PPP3CC: variants seen among roughly 807,000 people sequenced by gnomAD.
PPP3CC encodes the protein protein phosphatase 3 catalytic subunit gamma, also known as serine/threonine-protein phosphatase 2B catalytic subunit gamma isoform.
A neutral mutation model predicts 60.3 loss-of-function variants in PPP3CC; 35 were observed. The ratio of observed to expected loss-of-function variants is 0.58; its 90% confidence interval spans 0.44 to 0.77. The LOEUF (loss-of-function observed/expected upper bound fraction) is 0.77, where lower values mean the gene tolerates loss of function less well. PPP3CC is among the 30% of genes least tolerant of loss of function. The pLI is 0.00. For synonymous variants in PPP3CC, 206 were observed against 224.3 expected, an observed-to-expected ratio of 0.92 and a Z score of 0.73; for missense variants, 570 against 628.9, an observed-to-expected ratio of 0.91 and a Z score of 1.00.
At chr8:22,505,694 A>G (rs1281666843) in intron 4 of PPP3CC, among the ~76,000 whole-genome samples, 1 of 152,214 alleles carries the variant, frequency 6.6e-6, no homozygotes, top group African/African-American at 2.4e-5. Context: ...TCTACATGAC[A>G]TAGGAGCCGC....
chr8:22,461,119 C>T (rs1343699103), intron 1 of PPP3CC, among the ~76,000 whole-genome samples: 1 of 152,204 alleles, frequency 6.6e-6, no homozygotes, highest in Non-Finnish European at 1.5e-5. Context: ...GCTAGGATTA[C>T]AGGCGTGAGC....
chr8:22,475,235 A>G, intron 2 of PPP3CC, 84 bp downstream of exon 2: 1 of 1,307,806 alleles, frequency 7.6e-7, no homozygotes, highest in Non-Finnish European at 1.1e-6. Flanking sequence ...TAACCAGCTA[A>G]AAAGTGGTGT....
intron 3 of PPP3CC, chr8:22,493,172 T>C (rs1255950624): frequency 4.8e-6 from 6 of 1,250,380 alleles, no homozygotes; most frequent in African/African-American, 3.0e-5. Flanking sequence ...TGCTATTTTA[T>C]ATTATGACTG....
At chr8:22,441,723 C>T (rs930965887) in intron 1 of PPP3CC, among the ~76,000 whole-genome samples, 5 of 152,192 alleles carry the variant, frequency 3.3e-5, no homozygotes, top group African/African-American at 1.2e-4. Context: ...TCCCACCGCC[C>T]CGAAGGGCCC....
At chr8:22,451,206 G>T (rs1465346964) in intron 1 of PPP3CC, among the ~76,000 whole-genome samples, 1 of 151,164 alleles carries the variant, frequency 6.6e-6, no homozygotes, top group South Asian at 2.1e-4. Context: ...CGCCATCTTG[G>T]CTCACTGCAA....
rs1839622460 is a variant in PPP3CC at position 22,528,561 on chromosome 8, T to G, written c.1125T>G (p.Ser375=). The change falls in exon 10 of 14, where the codon TCT becomes TCG. Residue 375 remains serine (S), a synonymous_variant. Coordinates refer to ENST00000240139, the MANE Select transcript of PPP3CC (RefSeq NM_005605.5). The part of the protein sequence containing the change: ...LNICSDDELI[S]DDEAEGSTTV... ...TATGCTCTGATGACGAACTGATTTC[T>G]GATGATGAAGCAGAAGGTAAACTTT... is the stretch of plus-strand genomic sequence containing the variant. 5 of 1,554,688 alleles carry G rather than the reference T, an allele frequency of 3.2e-6. No homozygotes were observed. Among genetic ancestry groups the G allele is most frequent in the Non-Finnish European group, 4.4e-6 (5 of 1,145,350 alleles).
intron 4 of PPP3CC, among the ~76,000 whole-genome samples, chr8:22,509,912 G>A (rs375989612): frequency 6.6e-5 from 10 of 152,192 alleles, no homozygotes; most frequent in African/African-American, 2.4e-4. Flanking sequence ...TTGGCCAGGC[G>A]CAGTGGCTCA....
intron 1 of PPP3CC, among the ~76,000 whole-genome samples, chr8:22,467,689 T>A (rs1327769328): frequency 6.6e-6 from 1 of 152,142 alleles, no homozygotes; most frequent in Non-Finnish European, 1.5e-5. Context: ...CGCCTCCCAA[T>A]GTTCTGGGAT....
At position 22,518,214 on chromosome 8, in the gene PPP3CC, G is replaced by T. The variant is rs190044499; in HGVS notation, c.771-4277G>T. ...AGTAGCTGGGACTACAGGATGTACC[G>T]CCATGCCCAGCTAATTGTTTTTAAA... On this transcript the variant is annotated intron_variant, in intron 6 of 13. Coordinates refer to ENST00000240139, the MANE Select transcript of PPP3CC (RefSeq NM_005605.5). 4.9e-3 allele frequency among the ~76,000 whole-genome samples: 745 copies of T among 151,814 alleles called. 3 individuals carry two copies. Among genetic ancestry groups the T allele is most frequent in the South Asian group, 6.7e-3 (32 of 4,786 alleles).
chr8:22,493,615 A>T (rs1475939889), intron 3 of PPP3CC, among the ~76,000 whole-genome samples: 7 of 152,138 alleles, frequency 4.6e-5, no homozygotes, highest in Non-Finnish European at 1.0e-4. Flanking sequence ...ATCTAGGCCT[A>T]CAGAGGGTCA....
At chr8:22,506,192 T>G (rs543021054) in intron 4 of PPP3CC, among the ~76,000 whole-genome samples, 4 of 152,190 alleles carry the variant, frequency 2.6e-5, no homozygotes, top group Non-Finnish European at 4.4e-5. Flanking sequence ...TCACAGCTAC[T>G]TGGGAGGCTG....
At chr8:22,540,422 C>T (rs1839934220) in intron 13 of PPP3CC, among the ~76,000 whole-genome samples, 193 bp from the exon 14 acceptor site, 1 of 152,194 alleles carries the variant, frequency 6.6e-6, no homozygotes, top group South Asian at 2.1e-4. Context: ...GCCCTTTGGG[C>T]TTTAAGGAAG....
chr8:22,441,495 G>A (rs1420480408), intron 1 of PPP3CC, 37 bp downstream of exon 1: 1 of 1,515,160 alleles, frequency 6.6e-7, no homozygotes, highest in Non-Finnish European at 8.9e-7. Context: ...GGGACCCGCG[G>A]GAAACGGCCT....
intron 6 of PPP3CC, among the ~76,000 whole-genome samples, chr8:22,519,569 T>C (rs1406685285): frequency 6.6e-6 from 1 of 152,238 alleles, no homozygotes; most frequent in East Asian, 1.9e-4. Flanking sequence ...TAGCACTCTG[T>C]CTTACGCTGA....
intron 1 of PPP3CC, among the ~76,000 whole-genome samples, chr8:22,443,157 A>G (rs1303108607): frequency 6.6e-6 from 1 of 152,190 alleles, no homozygotes; most frequent in Non-Finnish European, 1.5e-5. Flanking sequence ...AGAAGATTAA[A>G]AATCTTAAAT....
At chr8:22,499,708 C>T (rs1223186979) in intron 4 of PPP3CC, among the ~76,000 whole-genome samples, 5 of 152,196 alleles carry the variant, frequency 3.3e-5, no homozygotes, top group Admixed American at 2.6e-4. Flanking sequence ...TGCCCCAGGG[C>T]ATTTGCATTT....
intron 1 of PPP3CC, 87 bp downstream of exon 1, chr8:22,441,545 C>T (rs1225163852): frequency 4.3e-6 from 6 of 1,394,772 alleles, no homozygotes; most frequent in South Asian, 1.5e-5. Flanking sequence ...AGGCTGGGGC[C>T]GGGCTGCGCC....
At chr8:22,494,290 C>T (rs1268217685) in intron 3 of PPP3CC, among the ~76,000 whole-genome samples, 7 of 152,062 alleles carry the variant, frequency 4.6e-5, no homozygotes, top group Non-Finnish European at 8.8e-5. Flanking sequence ...ATGGCGGTGG[C>T]AAGAATGAGG....
At chr8:22,539,808 C>A (rs942968466) in intron 13 of PPP3CC, among the ~76,000 whole-genome samples, 1 of 152,174 alleles carries the variant, frequency 6.6e-6, no homozygotes, top group Non-Finnish European at 1.5e-5. Flanking sequence ...CTTCCATGTA[C>A]AAGAGACATC....
Sources: allele counts gnomAD v4.1 joint callset (sites outside exome capture counted in the v4.1 genomes callset), GRCh38; gene constraint gnomAD v4.1.1; transcripts MANE v1.5; gene names NCBI Gene and HGNC (gene_info 2026-07-23, HGNC 2026-07-21).